EVI5L: variants seen among roughly 807,000 people sequenced by gnomAD.
The protein encoded by EVI5L is ecotropic viral integration site 5 like.
In EVI5L, 30 loss-of-function variants were observed where a neutral mutation model predicts 106.1. That is an observed-to-expected ratio of 0.28 (90% CI 0.21 to 0.38). The LOEUF (loss-of-function observed/expected upper bound fraction) is 0.38, where lower values mean the gene tolerates loss of function less well. EVI5L is among the 10% of genes least tolerant of loss of function. The pLI is 1.00. For synonymous variants in EVI5L, 489 were observed against 483.3 expected, an observed-to-expected ratio of 1.01 and a Z score of -0.15; for missense variants, 809 against 1,098.0, an observed-to-expected ratio of 0.74 and a Z score of 3.72.
chr19:7,851,178 C>T (rs1489170040), intron 6 of EVI5L, among the ~76,000 whole-genome samples: 1 of 152,174 alleles, frequency 6.6e-6, no homozygotes, highest in East Asian at 1.9e-4. Context: ...GGCGCATCAC[C>T]TACCCAGGGT....
Position 7,850,611 on chromosome 19 carries a change from G to A in EVI5L, c.753+489G>A, listed in dbSNP as rs575175715. On this transcript the variant is annotated intron_variant, in intron 6 of 19. Coordinates refer to ENST00000538904, the MANE Select transcript of EVI5L (RefSeq NM_001159944.3). The surrounding 1 kb of genome is among the most constrained non-coding windows in gnomAD (Gnocchi z 5.4). ...CACACCCGCATGCATACACACACAC[G>A]CAGACACACACACACACACCGGCCC... 6.6e-6 allele frequency among the ~76,000 whole-genome samples: 1 copy of A among 152,178 alleles called. No individual in the cohort carries two copies. The highest frequency in any genetic ancestry group is 2.1e-4 in the South Asian group (1 of 4,820).
Position 7,847,774 on chromosome 19 carries a change from C to T in EVI5L, c.180C>T (p.Gly60=), listed in dbSNP as rs373550043. The change falls in exon 3 of 20, where the codon GGC becomes GGT. Residue 60 remains glycine, a synonymous_variant. Transcript: ENST00000538904. The part of the protein sequence containing the change: ...ADSKSMRSMN[G]SRRNSGSSLV... ...CCAAGTCCATGCGCTCCATGAATGG[C>T]TCGCGGCGGAACAGTGGCTCCTCGC... 6 of 1,613,318 alleles carry T rather than the reference C, an allele frequency of 3.7e-6. No homozygotes were observed. The highest frequency in any genetic ancestry group is 5.1e-6 in the Non-Finnish European group (6 of 1,179,834).
chr19:7,846,779 G>A, intron 2 of EVI5L, 100 bp downstream of exon 2: 1 of 1,457,168 alleles, frequency 6.9e-7, no homozygotes, highest in Non-Finnish European at 9.1e-7. Flanking sequence ...GGCCCAGTGT[G>A]TGCAATGTGA....
chr19:7,850,570 C>A lies in EVI5L; in HGVS notation c.753+448C>A, dbSNP rs1159481254. Among the ~76,000 whole-genome samples, 2 of 152,120 alleles carry A rather than the reference C, an allele frequency of 1.3e-5. No homozygotes were observed. The highest frequency in any genetic ancestry group is 4.8e-5 in the African/African-American group (2 of 41,422). On this transcript the variant is annotated intron_variant, in intron 6 of 19. Transcript: ENST00000538904. The surrounding 1 kb of genome is among the most constrained non-coding windows in gnomAD (Gnocchi z 5.4). The stretch of plus-strand genomic sequence containing the variant: ...GGCTGGCAGGCAGAGCCGCCAAGGC[C>A]GTTTGCGAACATACACACACCCGCA...
chr19:7,857,046 G>GT lies in EVI5L; in HGVS notation c.1201-46_1201-45insT. ...CCCCTCTCCTGTCCCCGCGCCTTCC[G>GT]CTCTGCCTCCTCCCCCTGTCGCTGG... On this transcript the variant is annotated intron_variant, in intron 11 of 19. Transcript: ENST00000538904. The surrounding 1 kb of genome is among the most constrained non-coding windows in gnomAD (Gnocchi z 4.5). 1 of 1,551,262 alleles carries GT rather than the reference G, an allele frequency of 6.4e-7. No individual in the cohort carries two copies. Among genetic ancestry groups the GT allele is most frequent in the East Asian group, 2.4e-5 (1 of 40,922 alleles).
At chr19:7,862,917 T>A in intron 17 of EVI5L, 55 bp from the exon 18 acceptor site, 134 of 960,728 alleles carry the variant, frequency 1.4e-4, no homozygotes, top group Middle Eastern at 3.5e-4. Context: ...TCCCGCCCCC[T>A]GATGCGCCGC....
chr19:7,862,642 GCCCCTGCCCGCGGTCCTCCCGC>G (rs1979879874), intron 17 of EVI5L, 108 bp downstream of exon 17: 8 of 1,018,940 alleles, frequency 7.9e-6, no homozygotes, highest in Non-Finnish European at 1.0e-5. Context: ...CTCCCGATCT[GCCCCTGCCCGCGGTCCTCCCGC>G]CCCCGCCCGC....
At chr19:7,838,922 A>C (rs1170132346) in intron 1 of EVI5L, among the ~76,000 whole-genome samples, 1 of 151,858 alleles carries the variant, frequency 6.6e-6, no homozygotes, top group Non-Finnish European at 1.5e-5. Context: ...CCAGGAGGTC[A>C]AGTCTGCAGT....
rs761500327 is a variant in EVI5L, at chr19:7,849,310, G to A, written c.607G>A (p.Val203Met). Residue 203 changes from valine (V) to methionine (M), a missense_variant, in exon 5 of 20, where the codon GTG becomes ATG. Physicochemically the swap from Val to Met is conservative, Grantham distance 21. Transcript: ENST00000538904. ...VGYCQGSAFI[V>M]GLLLMQMPEE... The stretch of plus-strand genomic sequence containing the variant: ...CTACTGCCAGGGAAGCGCCTTCATC[G>A]TGGGCCTGCTCCTCATGCAGGTAGG... The A allele has an allele frequency of 4.3e-6, 7 of 1,614,160 alleles. No individual in the cohort carries two copies. Among genetic ancestry groups the A allele is most frequent in the Admixed American group, 1.7e-5 (1 of 60,034 alleles).
In EVI5L at chr19:7,863,794, A is replaced by G. The variant is rs1050707504; in HGVS notation, c.*92A>G. ...CTGCTCCCCACCTGCCGCACTTGAC[A>G]AACTACGCGCCCTCTGTGGCTCGGC... On this transcript the variant is annotated 3_prime_UTR_variant, in exon 20 of 20. Transcript: ENST00000538904. The surrounding 1 kb of genome is among the most constrained non-coding windows in gnomAD (Gnocchi z 7.7). 1 of 1,404,506 alleles carries G rather than the reference A, an allele frequency of 7.1e-7. No homozygotes were observed. Among genetic ancestry groups the G allele is most frequent in the Non-Finnish European group, 9.3e-7 (1 of 1,080,808 alleles). 87.0% of individuals were successfully genotyped at this position (1,404,506 alleles called of 1,614,324 possible). A position where few individuals can be genotyped will look rare whatever the true frequency, so the allele number is the denominator to read the frequency against.
chr19:7,846,517 G>A lies in EVI5L; in HGVS notation c.-26G>A, dbSNP rs1317787058. The A allele has an allele frequency of 5.0e-6, 8 of 1,595,624 alleles. No homozygotes were observed. Among genetic ancestry groups the A allele is most frequent in the Non-Finnish European group, 6.0e-6 (7 of 1,171,670 alleles). Reference sequence around the variant, plus strand: ...CCAGACAGAGCTGTGAACCAACCCCGCTCACGGCTAACAAGCCCACCCACC... The same window carrying A: ...CCAGACAGAGCTGTGAACCAACCCCACTCACGGCTAACAAGCCCACCCACC... On this transcript the variant is annotated 5_prime_UTR_variant, in exon 2 of 20. Coordinates refer to ENST00000538904, the MANE Select transcript of EVI5L (RefSeq NM_001159944.3).
intron 1 of EVI5L, among the ~76,000 whole-genome samples, chr19:7,834,519 C>T (rs1382358337): frequency 6.6e-6 from 1 of 152,106 alleles, no homozygotes; most frequent in African/African-American, 2.4e-5. Flanking sequence ...GCTGCTGTTG[C>T]TGCTATTGTT....
At chr19:7,844,263 T>C (rs1175772563) in intron 1 of EVI5L, among the ~76,000 whole-genome samples, 2 of 144,412 alleles carry the variant, frequency 1.4e-5, no homozygotes, top group Admixed American at 7.0e-5. Context: ...ACCCGGGAGG[T>C]AGAGGTTGCA....
At chr19:7,862,787 C>T (rs1168945702) in intron 17 of EVI5L, among the ~76,000 whole-genome samples, 185 bp from the exon 18 acceptor site, 8 of 132,914 alleles carry the variant, frequency 6.0e-5, no homozygotes, top group African/African-American at 2.2e-4. Context: ...CCCGCGGCCA[C>T]GCCTCCTGAC....
At chr19:7,853,370 G>A (rs1568240940) in intron 10 of EVI5L, 37 bp downstream of exon 10, 4 of 1,588,846 alleles carry the variant, frequency 2.5e-6, no homozygotes, top group Middle Eastern at 3.9e-4. Context: ...ACAGGGATGG[G>A]AGGCCTTTGG....
rs1979427916 is a variant in EVI5L, at chr19:7,854,377, TAGGA to T, written c.1146+1048_1146+1051del. Among the ~76,000 whole-genome samples the T allele has an allele frequency of 2.0e-5, 3 of 151,496 alleles. 1 individual carries two copies. In the South Asian group the frequency reaches 6.3e-4, roughly 32 times the overall value. ...GCTGAGACTGAGGGCGCACCAGTGATAGGAAGGGACACAGACACAAACCCAACAC... is the reference window on the plus strand; with the variant it reads ...GCTGAGACTGAGGGCGCACCAGTGATAGGGACACAGACACAAACCCAACAC... On this transcript the variant is annotated intron_variant, in intron 10 of 19. Coordinates refer to ENST00000538904, the MANE Select transcript of EVI5L (RefSeq NM_001159944.3).
chr19:7,848,484 C>T lies in EVI5L; in HGVS notation c.328-437C>T, dbSNP rs1208250161. Among the ~76,000 whole-genome samples the T allele has an allele frequency of 6.6e-6, 1 of 152,016 alleles. No individual in the cohort carries two copies. Among genetic ancestry groups the T allele is most frequent in the African/African-American group, 2.4e-5 (1 of 41,368 alleles). On this transcript the variant is annotated intron_variant, in intron 3 of 19. Coordinates refer to ENST00000538904, the MANE Select transcript of EVI5L (RefSeq NM_001159944.3). This position sits in a 1 kb window ranked among gnomAD's most constrained non-coding sequence, Gnocchi z 4.8. ...TGGTGGCGTGCACCTGTAATCCCAG[C>T]TACTTGGGAGGCTGAGGCAGGAGAA...
chr19:7,862,743 C>CCG (rs1200877221), intron 17 of EVI5L, among the ~76,000 whole-genome samples: 4 of 129,046 alleles, frequency 3.1e-5, no homozygotes, highest in Non-Finnish European at 5.2e-5. Flanking sequence ...CCTGACCACC[C>CCG]CCCCCCGCGG....
chr19:7,855,581 G>A (rs1005451932), intron 10 of EVI5L, among the ~76,000 whole-genome samples: 1 of 152,192 alleles, frequency 6.6e-6, no homozygotes, highest in Non-Finnish European at 1.5e-5. Flanking sequence ...TCAAAGAGGA[G>A]CCTGCCCCCG....
Sources: gnomAD v4.1 joint callset for allele counts (sites outside exome capture counted in the v4.1 genomes callset) on GRCh38, gnomAD v4.1.1 for gene constraint, Gnocchi (gnomAD v3.1) non-coding constraint, MANE v1.5 for transcripts, NCBI Gene and HGNC (gene_info 2026-07-23, HGNC 2026-07-21) for gene names.